KIF16B: variants seen among roughly 807,000 people sequenced by gnomAD.
KIF16B encodes the protein kinesin family member 16B.
In KIF16B, 98 loss-of-function variants were observed where a neutral mutation model predicts 156.3. The observed-to-expected ratio is 0.63, with a 90% CI of 0.53 to 0.74. KIF16B has a LOEUF of 0.74. Ranked by LOEUF, KIF16B falls within the 30% of genes least tolerant of loss-of-function variation. The pLI is 0.00. For missense variants in KIF16B, 1,421 were observed against 1,606.5 expected, an observed-to-expected ratio of 0.88 and a Z score of 1.97; for synonymous variants, 564 against 583.7, an observed-to-expected ratio of 0.97 and a Z score of 0.49.
chr20:16,312,461 G>GCTA, intron 24 of KIF16B, 43 bp from the exon 25 acceptor site: 1 of 1,290,328 alleles, frequency 7.7e-7, no homozygotes, highest in Non-Finnish European at 1.1e-6. Flanking sequence ...TAGCATACCT[G>GCTA]TTAATTGTTG....
At chr20:16,485,559 C>CA (rs5840716) in intron 12 of KIF16B, among the ~76,000 whole-genome samples, 36,599 of 151,938 alleles carry the variant, frequency 0.24, 4,618 homozygotes, top group African/African-American at 0.31. Flanking sequence ...ATAGTTACAA[C>CA]ACATGAAGGA....
intron 15 of KIF16B, among the ~76,000 whole-genome samples, chr20:16,417,080 G>C (rs1001261386): frequency 6.6e-6 from 1 of 152,122 alleles, no homozygotes; most frequent in African/African-American, 2.4e-5. Flanking sequence ...GCATATGAAA[G>C]AGTAGAATAA....
intron 12 of KIF16B, among the ~76,000 whole-genome samples, chr20:16,466,224 G>C (rs532564059): frequency 6.6e-6 from 1 of 152,332 alleles, no homozygotes; most frequent in South Asian, 2.1e-4. Flanking sequence ...AGTTCAGCAT[G>C]TTCCACAGCT....
intron 10 of KIF16B, among the ~76,000 whole-genome samples, chr20:16,502,020 AATAT>A (rs1262286072): frequency 6.6e-6 from 1 of 152,204 alleles, no homozygotes; most frequent in East Asian, 1.9e-4. Context: ...AAAAAATTCA[AATAT>A]ATAAACTACT....
intron 25 of KIF16B, among the ~76,000 whole-genome samples, chr20:16,297,697 G>GA (rs35929179): frequency 0.27 from 28,415 of 103,728 alleles, 3,798 homozygotes; most frequent in African/African-American, 0.41. Flanking sequence ...CTCCATCTCA[G>GA]AAAAAAAAAA....
chr20:16,358,233 T>C (rs892791177), intron 22 of KIF16B, among the ~76,000 whole-genome samples: 3 of 152,140 alleles, frequency 2.0e-5, no homozygotes, highest in Admixed American at 1.3e-4. Flanking sequence ...TTGAGGCACA[T>C]GGCAGTCACA....
At chr20:16,549,429 C>T (rs1375835238) in intron 1 of KIF16B, among the ~76,000 whole-genome samples, 1 of 151,672 alleles carries the variant, frequency 6.6e-6, no homozygotes, top group African/African-American at 2.4e-5. Flanking sequence ...TTTTCTTAAT[C>T]CAGTCTATCA....
rs6111019 is a variant in KIF16B at position 16,291,349 on chromosome 20, G to T, written c.3796-17938C>A. Among the ~76,000 whole-genome samples the T allele has an allele frequency of 3.8e-3, 582 of 152,254 alleles. 3 individuals are homozygous for T. Among genetic ancestry groups the T allele is most frequent in the African/African-American group, 0.014 (569 of 41,508 alleles). ...GTTACTTAAGGTCTGAGAAGTTGCTGTAGACAAAAAATGAAGAATGGTGTT... is the reference window on the plus strand; with the variant it reads ...GTTACTTAAGGTCTGAGAAGTTGCTTTAGACAAAAAATGAAGAATGGTGTT... On this transcript the variant is annotated intron_variant, in intron 25 of 25. Coordinates refer to ENST00000354981, the MANE Select transcript of KIF16B (RefSeq NM_024704.5).
At chr20:16,338,713 G>A (rs1483838057) in intron 23 of KIF16B, among the ~76,000 whole-genome samples, 3 of 152,156 alleles carry the variant, frequency 2.0e-5, no homozygotes, top group Non-Finnish European at 4.4e-5. Flanking sequence ...GAATGGGGCT[G>A]AGGAATAACA....
intron 23 of KIF16B, among the ~76,000 whole-genome samples, chr20:16,343,995 T>C (rs1469684694): frequency 6.6e-6 from 1 of 152,162 alleles, no homozygotes; most frequent in Non-Finnish European, 1.5e-5. Context: ...GCGATAACTA[T>C]GTGTGATTTG....
At chr20:16,286,771 G>A (rs6034440) in intron 25 of KIF16B, among the ~76,000 whole-genome samples, 40 of 152,326 alleles carry the variant, frequency 2.6e-4, no homozygotes, top group African/African-American at 8.9e-4. Flanking sequence ...ACAGTGGTAC[G>A]TGTGATATTT....
chr20:16,427,627 A>G (rs12625552), intron 14 of KIF16B, among the ~76,000 whole-genome samples: 18,996 of 152,062 alleles, frequency 0.12, 1,352 homozygotes, highest in African/African-American at 0.19. Flanking sequence ...CAGAGAATAA[A>G]AGCAAAAGTG....
chr20:16,489,531 T>C (rs969399775), intron 12 of KIF16B, among the ~76,000 whole-genome samples: 1 of 152,010 alleles, frequency 6.6e-6, no homozygotes, highest in Non-Finnish European at 1.5e-5. Flanking sequence ...ACCCCATCTT[T>C]ATAAAAAATA....
chr20:16,520,322 G>A (rs919726824), intron 3 of KIF16B, among the ~76,000 whole-genome samples: 4 of 152,122 alleles, frequency 2.6e-5, no homozygotes, highest in African/African-American at 9.7e-5. Context: ...AGTGGACCTG[G>A]GATGCTTGAG....
At chr20:16,544,063 C>T (rs1008557066) in intron 1 of KIF16B, among the ~76,000 whole-genome samples, 6 of 152,166 alleles carry the variant, frequency 3.9e-5, no homozygotes, top group South Asian at 2.1e-4. Context: ...AGAATCCACA[C>T]GATTGCTCTC....
At chr20:16,449,960 C>G (rs114721403) in intron 12 of KIF16B, among the ~76,000 whole-genome samples, 1 of 151,780 alleles carries the variant, frequency 6.6e-6, no homozygotes. Flanking sequence ...AGAAGAAAAT[C>G]GAAAGAATTA....
intron 24 of KIF16B, among the ~76,000 whole-genome samples, chr20:16,321,230 T>C (rs1468539548): frequency 6.6e-6 from 1 of 152,150 alleles, no homozygotes; most frequent in East Asian, 1.9e-4. Context: ...CTGTTCCTTT[T>C]TTTCTTATAT....
Position 16,404,687 on chromosome 20 carries a change from C to T in KIF16B, c.1784+126G>A, listed in dbSNP as rs557200079. 5.0e-4 allele frequency: 330 copies of T among 664,312 alleles called. 3 individuals carry two copies. In the South Asian group the frequency reaches 5.1e-3, roughly 10 times the overall value. The allele number at this position is 664,312 out of a possible 1,614,324, so 41.2% of individuals were successfully genotyped here. On this transcript the variant is annotated intron_variant, in intron 17 of 25. Transcript: ENST00000354981. ...GGCTGGAAAGGAACTCGGAAAATGACGGTGGCTGATTTGATAAGGAGGCGC... is the reference window on the plus strand; with the variant it reads ...GGCTGGAAAGGAACTCGGAAAATGATGGTGGCTGATTTGATAAGGAGGCGC...
chr20:16,300,863 A>G (rs1247796938), intron 25 of KIF16B, among the ~76,000 whole-genome samples: 1 of 152,212 alleles, frequency 6.6e-6, no homozygotes, highest in East Asian at 1.9e-4. Flanking sequence ...TCTATAACTT[A>G]CATTAGGGTT....
Sources: gnomAD v4.1 joint callset for allele counts (sites outside exome capture counted in the v4.1 genomes callset) on GRCh38, gnomAD v4.1.1 for gene constraint, MANE v1.5 for transcripts, NCBI Gene and HGNC (gene_info 2026-07-23, HGNC 2026-07-21) for gene names.